Variants in GLI3 observed in about 807,000 individuals in gnomAD.
GLI3 encodes transcription activator GLI3.
GLI3 carries 20 observed loss-of-function variants against 100.8 expected under a neutral mutation model. That is an observed-to-expected ratio of 0.20 (90% CI 0.14 to 0.29). The LOEUF (loss-of-function observed/expected upper bound fraction) is 0.29, where lower values mean the gene tolerates loss of function less well. GLI3 is among the 10% of genes least tolerant of loss of function. GLI3 has a pLI of 1.00. For synonymous variants in GLI3, 938 were observed against 860.5 expected (o/e 1.09, Z -1.58); for missense variants, 2,040 against 2,128.5 (o/e 0.96, Z 0.82).
At chr7:42,084,058 T>C (rs1246519380) in intron 3 of GLI3, among the ~76,000 whole-genome samples, 1 of 152,252 alleles carries the variant, frequency 6.6e-6, no homozygotes, top group African/African-American at 2.4e-5. Context: ...TCTTGACTCC[T>C]GGTCTATAAA....
At chr7:42,259,182 A>G (rs1789114613) in intron 1 of GLI3, among the ~76,000 whole-genome samples, 1 of 152,202 alleles carries the variant, frequency 6.6e-6, no homozygotes, top group African/African-American at 2.4e-5. Context: ...ATTCAACTCA[A>G]TCTGAGCTTT....
At chr7:41,996,688 C>T (rs1033704645) in intron 10 of GLI3, among the ~76,000 whole-genome samples, 3 of 152,084 alleles carry the variant, frequency 2.0e-5, no homozygotes, top group Non-Finnish European at 2.9e-5. Flanking sequence ...TGCTTTTAAT[C>T]GCTGACATAA....
intron 2 of GLI3, among the ~76,000 whole-genome samples, chr7:42,213,343 T>C (rs1788307690): frequency 6.6e-6 from 1 of 152,212 alleles, no homozygotes; most frequent in Non-Finnish European, 1.5e-5. Context: ...TCCTCTGAAA[T>C]GGTCACTTCG....
At chr7:42,096,322 A>C (rs1195140952) in intron 3 of GLI3, among the ~76,000 whole-genome samples, 1 of 152,204 alleles carries the variant, frequency 6.6e-6, no homozygotes, top group African/African-American at 2.4e-5. Context: ...GACGCAGGTT[A>C]GCTCAAACTC....
intron 10 of GLI3, among the ~76,000 whole-genome samples, chr7:42,009,564 C>T (rs1432636723): frequency 4.1e-5 from 6 of 147,554 alleles, no homozygotes; most frequent in Non-Finnish European, 7.4e-5. Flanking sequence ...GCAGTCCTGA[C>T]GTTGCCACTC....
intron 6 of GLI3, among the ~76,000 whole-genome samples, chr7:42,041,294 C>T (rs1380157472): frequency 6.6e-6 from 1 of 152,200 alleles, no homozygotes; most frequent in Non-Finnish European, 1.5e-5. Flanking sequence ...AACTTAAATG[C>T]ATGCCAACTT....
chr7:42,063,461 A>AT (rs1416351286), intron 4 of GLI3, among the ~76,000 whole-genome samples: 2 of 152,146 alleles, frequency 1.3e-5, no homozygotes, highest in South Asian at 2.1e-4. Context: ...TCAGACATAG[A>AT]TTTTTTAAAC....
chr7:42,264,141 G>A (rs1410621099), upstream of GLI3, among the ~76,000 whole-genome samples: 1 of 152,162 alleles, frequency 6.6e-6, no homozygotes, highest in Non-Finnish European at 1.5e-5. Flanking sequence ...CCTTGTCTCA[G>A]AAGCCTATCA....
chr7:42,044,624 G>A (rs1293475428), intron 6 of GLI3, among the ~76,000 whole-genome samples: 1 of 152,086 alleles, frequency 6.6e-6, no homozygotes, highest in Non-Finnish European at 1.5e-5. Flanking sequence ...GGCAACTATT[G>A]ATAACTTGAT....
intron 3 of GLI3, among the ~76,000 whole-genome samples, chr7:42,090,663 A>G (rs1375790542): frequency 1.3e-5 from 2 of 152,182 alleles, no homozygotes; most frequent in East Asian, 3.8e-4. Flanking sequence ...GTCCCTAAGT[A>G]AGGTCTGTGG....
chr7:42,120,625 T>A (rs1283327942), intron 3 of GLI3, among the ~76,000 whole-genome samples: 2 of 152,232 alleles, frequency 1.3e-5, no homozygotes, highest in Non-Finnish European at 2.9e-5. Context: ...AAGTGCTTGG[T>A]TCTTTTCATT....
At chr7:42,021,188 T>G (rs1200379773) in intron 10 of GLI3, among the ~76,000 whole-genome samples, 1 of 152,230 alleles carries the variant, frequency 6.6e-6, no homozygotes. Context: ...CTTATTTATG[T>G]TGTTGTAAAT....
chr7:42,184,353 T>G (rs1787677680), intron 2 of GLI3, among the ~76,000 whole-genome samples: 1 of 152,138 alleles, frequency 6.6e-6, no homozygotes, highest in African/African-American at 2.4e-5. Flanking sequence ...GGCTGCACCT[T>G]CAGGTGTCTC....
At chr7:42,100,297 G>C (rs1412934831) in intron 3 of GLI3, among the ~76,000 whole-genome samples, 1 of 152,242 alleles carries the variant, frequency 6.6e-6, no homozygotes, top group Non-Finnish European at 1.5e-5. Flanking sequence ...GGGTTGAACT[G>C]TGTCCCTTTA....
intron 2 of GLI3, among the ~76,000 whole-genome samples, chr7:42,165,217 G>A (rs917720189): frequency 1.2e-4 from 18 of 151,612 alleles, no homozygotes; most frequent in Non-Finnish European, 2.4e-4. Context: ...CTATTGAGTA[G>A]GGTGCGCTCT....
At chr7:42,041,384 C>T (rs762678281) in intron 6 of GLI3, among the ~76,000 whole-genome samples, 1 of 152,190 alleles carries the variant, frequency 6.6e-6, no homozygotes, top group Admixed American at 6.5e-5. Context: ...GAGATGTGAG[C>T]TTCAAGACAC....
chr7:42,194,310 A>G (rs914531878), intron 2 of GLI3, among the ~76,000 whole-genome samples: 1 of 152,194 alleles, frequency 6.6e-6, no homozygotes, highest in Non-Finnish European at 1.5e-5. Context: ...ACAGGGCCAA[A>G]CTTTAATGTG....
At chr7:42,168,926 T>C (rs1787303604) in intron 2 of GLI3, among the ~76,000 whole-genome samples, 1 of 151,734 alleles carries the variant, frequency 6.6e-6, no homozygotes, top group Non-Finnish European at 1.5e-5. Context: ...TCAAAAAAAT[T>C]AAAAACAAAA....
chr7:42,031,078 C>G (rs1789280690), intron 7 of GLI3, among the ~76,000 whole-genome samples: 1 of 152,166 alleles, frequency 6.6e-6, no homozygotes, highest in Non-Finnish European at 1.5e-5. Context: ...AATCTACAGT[C>G]TAAACCTTGG....
Sources: allele counts gnomAD v4.1 joint callset (sites outside exome capture counted in the v4.1 genomes callset), GRCh38; gene constraint gnomAD v4.1.1; transcripts MANE v1.5; gene names NCBI Gene and HGNC (gene_info 2026-07-23, HGNC 2026-07-21).